The following ABCC1 variants were observed in gnomAD, a reference collection of about 807,000 sequenced individuals.
ABCC1 encodes multidrug resistance-associated protein 1.
ABCC1 carries 83 observed loss-of-function variants against 172.9 expected under a neutral mutation model. The ratio of observed to expected loss-of-function variants is 0.48; its 90% CI spans 0.40 to 0.58. The LOEUF is 0.58. ABCC1 is among the 20% of genes least tolerant of loss of function. The probability of loss-of-function intolerance (pLI) is 0.00; values close to 1 mark genes in which losing one functional copy is unlikely to be tolerated. For missense variants in ABCC1, 1,817 were observed against 2,002.7 expected, an observed-to-expected ratio of 0.91 and a Z score of 1.77; for synonymous variants, 937 against 825.2, an observed-to-expected ratio of 1.14 and a Z score of -2.32.
chr16:15,998,259 GGACTACAGGCCTGCACTA>G (rs2047126936), intron 1 of ABCC1, among the ~76,000 whole-genome samples: 1 of 152,090 alleles, frequency 6.6e-6, no homozygotes, highest in Non-Finnish European at 1.5e-5. Context: ...TGAGTAGGTG[GGACTACAGGCCTGCACTA>G]CCACGCCTGG....
intron 5 of ABCC1, among the ~76,000 whole-genome samples, chr16:16,018,080 T>C (rs1035909810): frequency 6.6e-6 from 1 of 152,190 alleles, no homozygotes; most frequent in African/African-American, 2.4e-5. Context: ...TGCTGATTCA[T>C]GGCTAGTCAG....
chr16:15,964,472 G>T (rs2046202632), intron 1 of ABCC1, among the ~76,000 whole-genome samples: 1 of 152,158 alleles, frequency 6.6e-6, no homozygotes. Flanking sequence ...TCCCTAATAT[G>T]TGGGGATTCC....
At chr16:16,117,408 C>T (rs2044939026) in intron 23 of ABCC1, among the ~76,000 whole-genome samples, 1 of 152,188 alleles carries the variant, frequency 6.6e-6, no homozygotes, top group African/African-American at 2.4e-5. Flanking sequence ...TCCCATGACA[C>T]ATGGGGATTA....
At chr16:16,113,405 C>G (rs1385215185) in intron 22 of ABCC1, among the ~76,000 whole-genome samples, 1 of 152,160 alleles carries the variant, frequency 6.6e-6, no homozygotes, top group Non-Finnish European at 1.5e-5. Flanking sequence ...CCTGTAACCC[C>G]AACACTTTGA....
At chr16:16,073,906 C>T (rs1018356222) in intron 14 of ABCC1, among the ~76,000 whole-genome samples, 5 of 152,164 alleles carry the variant, frequency 3.3e-5, no homozygotes, top group East Asian at 3.9e-4. Flanking sequence ...TCGGTTATAC[C>T]GCGTGAGCTG....
intron 11 of ABCC1, among the ~76,000 whole-genome samples, chr16:16,053,813 A>AAAAAAAC (rs2049532121): frequency 7.2e-6 from 1 of 139,518 alleles, no homozygotes; most frequent in Non-Finnish European, 1.5e-5. Context: ...AAAAAAAAAA[A>AAAAAAAC]AGTTTAAATC....
At chr16:16,030,775 A>G (rs1050184905) in intron 5 of ABCC1, among the ~76,000 whole-genome samples, 1 of 152,106 alleles carries the variant, frequency 6.6e-6, no homozygotes, top group African/African-American at 2.4e-5. Flanking sequence ...AAACAAAAAC[A>G]AAGCTTCAGT....
At chr16:16,113,190 C>T (rs1045205289) in intron 22 of ABCC1, among the ~76,000 whole-genome samples, 2 of 152,126 alleles carry the variant, frequency 1.3e-5, no homozygotes, top group Non-Finnish European at 2.9e-5. Context: ...CCTCCCCTCT[C>T]CTTGCCATTA....
At chr16:15,950,115 C>T (rs933195045) in intron 1 of ABCC1, among the ~76,000 whole-genome samples, 6 of 151,782 alleles carry the variant, frequency 4.0e-5, no homozygotes, top group Admixed American at 6.6e-5. Context: ...TAAAAACAAC[C>T]TTCCAGGGAA....
intron 16 of ABCC1, among the ~76,000 whole-genome samples, 196 bp from the exon 17 acceptor site, chr16:16,083,170 A>G (rs2050871519): frequency 6.6e-6 from 1 of 152,158 alleles, no homozygotes; most frequent in South Asian, 2.1e-4. Flanking sequence ...TCAGTGATTC[A>G]CCTGCTGTGG....
intron 5 of ABCC1, among the ~76,000 whole-genome samples, chr16:16,017,726 A>C (rs1597124427): frequency 6.6e-6 from 1 of 151,994 alleles, no homozygotes; most frequent in East Asian, 1.9e-4. Context: ...TATTTTTTTA[A>C]ATAGAGATGG....
chr16:15,975,562 T>A (rs1029624122), intron 1 of ABCC1, among the ~76,000 whole-genome samples: 2 of 151,996 alleles, frequency 1.3e-5, no homozygotes, highest in African/African-American at 4.8e-5. Flanking sequence ...TTTTTTTGTT[T>A]TTTTTTGTTT....
chr16:16,074,952 T>C (rs372972367), intron 14 of ABCC1, among the ~76,000 whole-genome samples: 5,187 of 149,954 alleles, frequency 0.035, 139 homozygotes, highest in Middle Eastern at 0.052. Context: ...TTTTTCTTTT[T>C]TTTTTTTTTT....
chr16:16,073,974 G>A (rs759643705), intron 14 of ABCC1, among the ~76,000 whole-genome samples: 5 of 152,188 alleles, frequency 3.3e-5, no homozygotes, highest in African/African-American at 4.8e-5. Context: ...CGTTTGACAC[G>A]TTTGACACAG....
At chr16:16,030,265 G>A (rs1190301113) in intron 5 of ABCC1, among the ~76,000 whole-genome samples, 1 of 152,168 alleles carries the variant, frequency 6.6e-6, no homozygotes, top group East Asian at 1.9e-4. Context: ...GCTCAAGCCT[G>A]TAATCCCACC....
chr16:15,998,207 C>T (rs1219182176), intron 1 of ABCC1, among the ~76,000 whole-genome samples: 1 of 151,928 alleles, frequency 6.6e-6, no homozygotes, highest in African/African-American at 2.4e-5. Flanking sequence ...TCACTGCAGC[C>T]TCAAGCCCCT....
At chr16:16,039,261 G>GT (rs1567338092) in intron 7 of ABCC1, among the ~76,000 whole-genome samples, 1 of 98,568 alleles carries the variant, frequency 1.0e-5, no homozygotes. Context: ...GTGTGTGTGT[G>GT]TTTTCTTTTT....
rs978483390 is a variant in ABCC1, at chr16:16,131,839, G to A, written c.3870G>A (p.Val1290=). Residue 1290 remains valine (V), a synonymous_variant, in exon 27 of 31, where the codon GTG becomes GTA. Coordinates refer to ENST00000399410, the MANE Select transcript of ABCC1 (RefSeq NM_004996.4). ...ETAPPSSWPQ[V]GRVEFRNYCL... ...CTCCGCCCAGCAGCTGGCCCCAGGTGGGCCGAGTGGAATTCCGGAACTACT... is the reference window on the plus strand; with the variant it reads ...CTCCGCCCAGCAGCTGGCCCCAGGTAGGCCGAGTGGAATTCCGGAACTACT... 3 of 1,614,188 alleles carry A rather than the reference G, an allele frequency of 1.9e-6. No individual in the cohort carries two copies. The highest frequency in any genetic ancestry group is 2.5e-6 in the Non-Finnish European group (3 of 1,180,030).
At chr16:15,950,113 ACCTT>A (rs901678192) in intron 1 of ABCC1, among the ~76,000 whole-genome samples, 21 of 150,570 alleles carry the variant, frequency 1.4e-4, no homozygotes, top group Admixed American at 9.2e-4. Context: ...TGTAAAAACA[ACCTT>A]CCAGGGAAGG....
Sources: allele counts gnomAD v4.1 joint callset (sites outside exome capture counted in the v4.1 genomes callset), GRCh38; gene constraint gnomAD v4.1.1; transcripts MANE v1.5; gene names NCBI Gene and HGNC (gene_info 2026-07-23, HGNC 2026-07-21).